Variants in DMAC2L observed in about 807,000 individuals in gnomAD.
DMAC2L encodes the protein ATP synthase subunit s, mitochondrial.
Under a neutral mutation model 22.5 loss-of-function variants are expected in DMAC2L, and 21 were observed. The ratio of observed to expected loss-of-function variants is 0.93; its 90% CI spans 0.66 to 1.34. DMAC2L has a LOEUF of 1.34. DMAC2L is among the 40% of genes most tolerant of loss of function. DMAC2L has a pLI of 0.00. For missense variants in DMAC2L, 239 were observed against 246.5 expected (o/e 0.97, Z 0.20); for synonymous variants, 86 against 89.5 (o/e 0.96, Z 0.22).
intron 2 of DMAC2L, chr14:50,319,359 AATCACTTC>A (rs750336440): frequency 1.3e-6 from 2 of 1,535,198 alleles, no homozygotes; most frequent in Non-Finnish European, 1.7e-6. Context: ...CAGCATCCTC[AATCACTTC>A]CTCAGCTTTA....
chr14:50,312,979 C>G, intron 1 of DMAC2L: 1 of 1,613,956 alleles, frequency 6.2e-7, no homozygotes, highest in Non-Finnish European at 8.5e-7. Flanking sequence ...ATTTATAAGT[C>G]TGTGTCCTTT....
intron 2 of DMAC2L, chr14:50,319,436 A>C: frequency 1.5e-6 from 2 of 1,350,898 alleles, no homozygotes; most frequent in South Asian, 1.4e-5. Context: ...TTCCAGAACC[A>C]TGTAATGATT....
At chr14:50,324,768 A>G (rs1208884938) in intron 5 of DMAC2L, 1 of 152,118 alleles carries the variant, frequency 6.6e-6, no homozygotes, top group East Asian at 1.9e-4. Flanking sequence ...AAAGAATAGA[A>G]GTTTTTTTGT....
Position 50,322,719 on chromosome 14 carries a change from G to A in DMAC2L, c.316G>A (p.Glu106Lys). The A allele has an allele frequency of 6.2e-7, 1 of 1,614,086 alleles. No homozygotes were observed. Among genetic ancestry groups the A allele is most frequent in the Non-Finnish European group, 8.5e-7 (1 of 1,180,026 alleles). Residue 106 changes from glutamate to lysine, a missense_variant and splice_region_variant, in exon 4 of 6, where the codon GAG becomes AAG. Glu to Lys is a moderately conservative substitution (Grantham distance 56). Coordinates refer to ENST00000557421, the MANE Select transcript of DMAC2L (RefSeq NM_001382507.1). ...CATGAGCATTGGATTTGATCACATG[G>A]GTAACTACCCTATCGTTTTGCTAAT... ...CIMSIGFDHM[E>K]GLEHVEKIRL...
intron 2 of DMAC2L, among the ~76,000 whole-genome samples, chr14:50,315,245 C>T (rs2031670680): frequency 1.3e-5 from 2 of 150,760 alleles, no homozygotes; most frequent in South Asian, 2.1e-4. Context: ...GGATTACAGG[C>T]ATGAGCCACT....
In DMAC2L at chr14:50,321,809, G is replaced by A. The variant is rs141956111; in HGVS notation, c.107+215G>A. ...GCTGTTTGGGTTGCAGGATTTCGAT[G>A]ATTTTTCTTACTTGTCCTTTTGATA... is the stretch of plus-strand genomic sequence containing the variant. On this transcript the variant is annotated intron_variant, in intron 3 of 5. Transcript: ENST00000557421. Among the ~76,000 whole-genome samples, 479 of 152,214 alleles carry A rather than the reference G, an allele frequency of 3.1e-3. 2 individuals carry two copies. The highest frequency in any genetic ancestry group is 5.9e-3 in the Non-Finnish European group (399 of 67,998).
At chr14:50,313,910 T>C (rs1333389099) in intron 1 of DMAC2L, among the ~76,000 whole-genome samples, 1 of 152,194 alleles carries the variant, frequency 6.6e-6, no homozygotes, top group Non-Finnish European at 1.5e-5. Context: ...ACCCAATCTA[T>C]TCTCTGTTTC....
upstream of DMAC2L, chr14:50,312,208 C>T: frequency 6.3e-7 from 1 of 1,593,438 alleles, no homozygotes; most frequent in Non-Finnish European, 8.5e-7. Flanking sequence ...CCCTCCACGG[C>T]CGAGGACCCG....
chr14:50,318,924 GTC>G (rs1177877274), intron 2 of DMAC2L: 15 of 610,520 alleles, frequency 2.5e-5, no homozygotes, highest in Non-Finnish European at 2.7e-5. Context: ...CTTTCTGTGT[GTC>G]TCTTTCTCCT....
chr14:50,321,781 G>A (rs1231694406), intron 3 of DMAC2L, among the ~76,000 whole-genome samples, 187 bp downstream of exon 3: 2 of 152,196 alleles, frequency 1.3e-5, no homozygotes, highest in African/African-American at 4.8e-5. Flanking sequence ...AATATTAATT[G>A]TGGCTGTTTG....
chr14:50,315,278 C>T (rs2031676127), intron 2 of DMAC2L, among the ~76,000 whole-genome samples: 1 of 151,280 alleles, frequency 6.6e-6, no homozygotes, highest in African/African-American at 2.4e-5. Flanking sequence ...TTATGTCATT[C>T]TTATGCCTTT....
rs551836934 is a variant in DMAC2L, at chr14:50,322,020, CCTT to C, written c.107+429_107+431del. On this transcript the variant is annotated intron_variant, in intron 3 of 5. Transcript: ENST00000557421. ...ATGTCATTTTGAAACTTGAAACTAA[CCTT>C]CTAATTACTTAATACAGCATTATGA... 2.2e-4 allele frequency among the ~76,000 whole-genome samples: 34 copies of C among 152,222 alleles called. No homozygotes were observed. In the South Asian group the frequency reaches 3.5e-3, roughly 16 times the overall value.
chr14:50,323,088 T>TC, intron 4 of DMAC2L: 1 of 904,356 alleles, frequency 1.1e-6, no homozygotes, highest in African/African-American at 2.1e-5. Flanking sequence ...TTTCTTTCTT[T>TC]CTTTTTTTTT....
Position 50,327,886 on chromosome 14 carries a change from A to G in DMAC2L, c.*2163A>G, listed in dbSNP as rs1265445625. On this transcript the variant is annotated 3_prime_UTR_variant, in exon 6 of 6. Transcript: ENST00000557421. ...CAGCTTATACAAATAACACAGTATA[A>G]ATGGTAATTGCCACTGTCATTTTAA... 2 of 152,220 alleles carry G rather than the reference A, an allele frequency of 1.3e-5. No individual in the cohort carries two copies. The allele number at this position is 152,220 out of a possible 1,614,324, so 9.4% of individuals were successfully genotyped here.
intron 2 of DMAC2L, 98 bp downstream of exon 2, chr14:50,314,724 C>A: frequency 2.3e-6 from 1 of 432,080 alleles, no homozygotes; most frequent in Non-Finnish European, 4.7e-6. Flanking sequence ...TCACTGCGGC[C>A]TCTGCCTCCT....
In DMAC2L at chr14:50,325,857, A is replaced by G. The variant is rs535529629; in HGVS notation, c.*134A>G. On this transcript the variant is annotated 3_prime_UTR_variant, in exon 6 of 6. Transcript: ENST00000557421. ...ATTTTAGAAGTGGAGAGTGCATCATATGTAGAAAATAAATATTCAGACGTG... is the reference window on the plus strand; with the variant it reads ...ATTTTAGAAGTGGAGAGTGCATCATGTGTAGAAAATAAATATTCAGACGTG... 2 of 1,352,680 alleles carry G rather than the reference A, an allele frequency of 1.5e-6. No individual in the cohort carries two copies. Among genetic ancestry groups the G allele is most frequent in the South Asian group, 1.8e-5 (1 of 56,008 alleles). 83.8% of individuals were successfully genotyped at this position (1,352,680 alleles called of 1,614,324 possible). A position where few individuals can be genotyped will look rare whatever the true frequency, so the allele number is the denominator to read the frequency against.
At position 50,323,998 on chromosome 14, in the gene DMAC2L, G is replaced by A; in HGVS notation, c.370G>A (p.Asp124Asn). Residue 124 changes from aspartate to asparagine, a missense_variant, in exon 5 of 6, where the codon GAT becomes AAT. Transcript: ENST00000557421. ...GCTGTGCAAGTGTCATTATATCGAG[G>A]ATGACTGTTTGCTGAGACTTAGTCA... is the stretch of plus-strand genomic sequence containing the variant. ...IRLCKCHYIE[D>N]DCLLRLSQLE... 1 of 1,613,924 alleles carries A rather than the reference G, an allele frequency of 6.2e-7. No individual in the cohort carries two copies. The highest frequency in any genetic ancestry group is 8.5e-7 in the Non-Finnish European group (1 of 1,179,928).
intron 4 of DMAC2L, 105 bp from the exon 5 acceptor site, chr14:50,323,840 G>T (rs1405394642): frequency 7.7e-6 from 7 of 910,342 alleles, no homozygotes; most frequent in Admixed American, 2.5e-5. Flanking sequence ...GGTTTCCCAG[G>T]ACATAGGACT....
rs2031762354 is a variant in DMAC2L at position 50,315,963 on chromosome 14, A to C, written c.-6+1337A>C. Reference sequence around the variant, plus strand: ...TCGATCAAATGGTAGTTCTAATTTTAGTTATTTAAGGAATCTCCACACTGT... The same window carrying C: ...TCGATCAAATGGTAGTTCTAATTTTCGTTATTTAAGGAATCTCCACACTGT... On this transcript the variant is annotated intron_variant, in intron 2 of 5. Transcript: ENST00000557421. Among the ~76,000 whole-genome samples the C allele has an allele frequency of 2.6e-5, 4 of 152,206 alleles. No homozygotes were observed. In the South Asian group the frequency reaches 8.3e-4, roughly 31 times the overall value.
Sources: allele counts gnomAD v4.1 joint callset (sites outside exome capture counted in the v4.1 genomes callset), GRCh38; gene constraint gnomAD v4.1.1; transcripts MANE v1.5; gene names NCBI Gene and HGNC (gene_info 2026-07-23, HGNC 2026-07-21).